Variants in ZEB1 observed in about 807,000 individuals in gnomAD.
ZEB1 encodes the protein zinc finger E-box-binding homeobox 1.
Under a neutral mutation model 84.9 loss-of-function variants are expected in ZEB1, and 21 were observed. That is an observed-to-expected ratio of 0.25 (90% CI 0.18 to 0.36). The LOEUF (loss-of-function observed/expected upper bound fraction) is 0.36. Among genes scored for constraint, ZEB1 ranks in the 10% least tolerant of loss-of-function variants. ZEB1 has a pLI of 1.00. For missense variants in ZEB1, 1,104 were observed against 1,330.2 expected (o/e 0.83, Z 2.65); for synonymous variants, 420 against 471.1 (o/e 0.89, Z 1.41).
chr10:31,327,683 G>A (rs75592148), intron 1 of ZEB1, among the ~76,000 whole-genome samples: 7,334 of 152,184 alleles, frequency 0.048, 185 homozygotes, highest in South Asian at 0.066. Flanking sequence ...ACATAGTATT[G>A]CTGAGTATAG....
At chr10:31,383,383 G>A (rs1478751898) in intron 1 of ZEB1, among the ~76,000 whole-genome samples, 1 of 152,090 alleles carries the variant, frequency 6.6e-6, no homozygotes, top group Non-Finnish European at 1.5e-5. Context: ...TTTAGATAGT[G>A]TAGTTCCAGA....
intron 2 of ZEB1, among the ~76,000 whole-genome samples, chr10:31,464,871 G>GC (rs1237731603): frequency 1.3e-5 from 2 of 152,100 alleles, no homozygotes; most frequent in African/African-American, 4.8e-5. Flanking sequence ...AAGAAAAACT[G>GC]AAGGCAGTTT....
chr10:31,515,485 A>G (rs964702279), intron 6 of ZEB1, among the ~76,000 whole-genome samples: 4 of 152,114 alleles, frequency 2.6e-5, no homozygotes, highest in African/African-American at 7.2e-5. Context: ...ATTATTAACC[A>G]TGAATGGGAA....
chr10:31,435,329 A>G (rs1297845819), intron 1 of ZEB1, among the ~76,000 whole-genome samples: 2 of 152,234 alleles, frequency 1.3e-5, no homozygotes, highest in African/African-American at 4.8e-5. Flanking sequence ...TGAGACCCAT[A>G]TTGGGCATCT....
At chr10:31,368,255 A>ATCGAT (rs2044941424) in intron 1 of ZEB1, among the ~76,000 whole-genome samples, 1 of 152,074 alleles carries the variant, frequency 6.6e-6, no homozygotes, top group South Asian at 2.1e-4. Context: ...CCTGGGCTCA[A>ATCGAT]TCGATCCCCC....
intron 1 of ZEB1, among the ~76,000 whole-genome samples, chr10:31,328,510 A>G (rs760854920): frequency 3.9e-5 from 6 of 152,176 alleles, no homozygotes; most frequent in Admixed American, 2.0e-4. Context: ...TTTGACCAGT[A>G]TTAACTCCAG....
chr10:31,394,014 C>G (rs958826792), intron 1 of ZEB1, among the ~76,000 whole-genome samples: 2 of 152,074 alleles, frequency 1.3e-5, no homozygotes, highest in African/African-American at 4.8e-5. Flanking sequence ...GAGTGGTAAA[C>G]AAAACACATT....
chr10:31,465,470 A>G, intron 2 of ZEB1, among the ~76,000 whole-genome samples: 1 of 151,532 alleles, frequency 6.6e-6, no homozygotes, highest in East Asian at 1.9e-4. Flanking sequence ...ATATATATAT[A>G]TATATAAAAT....
chr10:31,332,409 A>G lies in ZEB1; in HGVS notation c.58+13117A>G, dbSNP rs2036999233. Among the ~76,000 whole-genome samples, 3 of 152,334 alleles carry G rather than the reference A, an allele frequency of 2.0e-5. No individual in the cohort carries two copies. The South Asian group carries it at 6.2e-4, about 32-fold the overall frequency. ...TAAAATGTTTTTACTTCTATCAATT[A>G]TGGCTCTCCAAAGACATAAAATACT... is the stretch of plus-strand genomic sequence containing the variant. On this transcript the variant is annotated intron_variant, in intron 1 of 8. Coordinates refer to ENST00000424869, the MANE Select transcript of ZEB1 (RefSeq NM_001174096.2).
At chr10:31,388,252 A>G (rs2135132710) in intron 1 of ZEB1, among the ~76,000 whole-genome samples, 1 of 152,272 alleles carries the variant, frequency 6.6e-6, no homozygotes. Context: ...AGTATTAACA[A>G]TGAGACTTAA....
chr10:31,397,348 A>G (rs989633354), intron 1 of ZEB1, among the ~76,000 whole-genome samples: 1 of 151,952 alleles, frequency 6.6e-6, no homozygotes, highest in Non-Finnish European at 1.5e-5. Context: ...CCTGAAAAGT[A>G]TATCAGTTGG....
intron 1 of ZEB1, among the ~76,000 whole-genome samples, chr10:31,418,826 A>C (rs377270880): frequency 6.6e-6 from 1 of 152,254 alleles, no homozygotes; most frequent in East Asian, 1.9e-4. Context: ...CAAATCTGAA[A>C]TGCTCCAAAA....
At chr10:31,368,948 T>C (rs1452853131) in intron 1 of ZEB1, among the ~76,000 whole-genome samples, 3 of 152,258 alleles carry the variant, frequency 2.0e-5, no homozygotes, top group Admixed American at 6.5e-5. Flanking sequence ...TGTGCTTTGC[T>C]AGAAACATCT....
intron 1 of ZEB1, among the ~76,000 whole-genome samples, chr10:31,424,905 A>G (rs747471394): frequency 2.0e-5 from 3 of 152,062 alleles, no homozygotes; most frequent in Non-Finnish European, 4.4e-5. Context: ...GGTACAGGCT[A>G]TAAACAAAAC....
chr10:31,442,042 GCCATCCCATTACTGGGTA>G (rs1391381852), intron 1 of ZEB1, among the ~76,000 whole-genome samples: 1 of 152,196 alleles, frequency 6.6e-6, no homozygotes, highest in Non-Finnish European at 1.5e-5. Context: ...ATTTGACCCA[GCCATCCCATTACTGGGTA>G]TATACCCAAA....
chr10:31,331,340 C>G (rs2036744189), intron 1 of ZEB1, among the ~76,000 whole-genome samples: 1 of 152,106 alleles, frequency 6.6e-6, no homozygotes, highest in African/African-American at 2.4e-5. Flanking sequence ...CCTGCCTCAG[C>G]CTCCCAAAGT....
chr10:31,512,976 G>C (rs972101502), intron 5 of ZEB1, among the ~76,000 whole-genome samples: 2 of 152,208 alleles, frequency 1.3e-5, no homozygotes, highest in Non-Finnish European at 2.9e-5. Flanking sequence ...GGTAAGGCCA[G>C]AGAGGTGTTG....
At chr10:31,328,642 T>C (rs569669203) in intron 1 of ZEB1, among the ~76,000 whole-genome samples, 8 of 152,270 alleles carry the variant, frequency 5.3e-5, no homozygotes, top group East Asian at 3.9e-4. Context: ...CAATAGACAC[T>C]GAAGCTTCAT....
At chr10:31,408,731 T>C (rs752507748) in intron 1 of ZEB1, among the ~76,000 whole-genome samples, 7,746 of 142,408 alleles carry the variant, frequency 0.054, 219 homozygotes, top group African/African-American at 0.11. Flanking sequence ...TTACACCTTA[T>C]ACAAAAATCA....
Sources: gnomAD v4.1 joint callset for allele counts (sites outside exome capture counted in the v4.1 genomes callset) on GRCh38, gnomAD v4.1.1 for gene constraint, MANE v1.5 for transcripts, NCBI Gene and HGNC (gene_info 2026-07-23, HGNC 2026-07-21) for gene names.